Variants in SUSD4 observed in about 807,000 individuals in gnomAD.
SUSD4 encodes sushi domain containing 4, also known as sushi domain-containing protein 4.
A neutral mutation model predicts 50.5 loss-of-function variants in SUSD4; 41 were observed. That is an observed-to-expected ratio of 0.81 (90% CI 0.63 to 1.05). SUSD4 has a LOEUF of 1.05. Ranked by LOEUF, SUSD4 falls within the 50% of genes least tolerant of loss-of-function variation. The pLI is 0.00. For synonymous variants in SUSD4, 257 were observed against 257.3 expected (o/e 1.00, Z 0.01); for missense variants, 580 against 634.7 (o/e 0.91, Z 0.93).
intron 5 of SUSD4, among the ~76,000 whole-genome samples, chr1:223,260,684 T>A (rs1489398615): frequency 6.6e-6 from 1 of 152,216 alleles, no homozygotes; most frequent in Non-Finnish European, 1.5e-5. Context: ...GCTTTGAAAT[T>A]TTGGGTGCTT....
rs557066335 is a variant in SUSD4 at position 223,278,111 on chromosome 1, G to T, written c.362-9436C>A. 3.9e-5 allele frequency among the ~76,000 whole-genome samples: 6 copies of T among 152,324 alleles called. No homozygotes were observed. The South Asian group carries it at 1.2e-3, about 32-fold the overall frequency. ...GTTCCAAGATGGCTGAATAGGAACA[G>T]CTCCGGTCTATGGTTCCCAGCATGA... On this transcript the variant is annotated intron_variant, in intron 3 of 8. Coordinates refer to ENST00000366878, the MANE Select transcript of SUSD4 (RefSeq NM_017982.4).
chr1:223,230,154 G>C (rs898686130), intron 5 of SUSD4, among the ~76,000 whole-genome samples: 1 of 152,172 alleles, frequency 6.6e-6, no homozygotes, highest in African/African-American at 2.4e-5. Context: ...AGTGTCTTTA[G>C]TATCTTGGTA....
chr1:223,250,219 A>T (rs569584516), intron 5 of SUSD4, among the ~76,000 whole-genome samples: 3 of 152,240 alleles, frequency 2.0e-5, no homozygotes, highest in African/African-American at 7.2e-5. Flanking sequence ...GAAATTTATA[A>T]GAATTAGAAA....
chr1:223,268,161 C>T (rs1662654141), intron 4 of SUSD4, among the ~76,000 whole-genome samples: 2 of 151,320 alleles, frequency 1.3e-5, no homozygotes, highest in Admixed American at 1.3e-4. Context: ...AATAGTTCAT[C>T]ATTATGTTAG....
At chr1:223,304,914 C>T (rs1386137568) in intron 2 of SUSD4, among the ~76,000 whole-genome samples, 1 of 142,108 alleles carries the variant, frequency 7.0e-6, no homozygotes, top group Non-Finnish European at 1.5e-5. Context: ...TTGCTTCATA[C>T]AGAGGCAATT....
intron 5 of SUSD4, among the ~76,000 whole-genome samples, chr1:223,248,643 T>G (rs978853481): frequency 1.4e-5 from 2 of 146,946 alleles, no homozygotes; most frequent in Non-Finnish European, 3.1e-5. Context: ...CCAATGATCA[T>G]GAGGCTGGGG....
chr1:223,256,387 G>A (rs138716073), intron 5 of SUSD4, among the ~76,000 whole-genome samples: 97 of 152,318 alleles, frequency 6.4e-4, no homozygotes, highest in African/African-American at 2.2e-3. Context: ...CTTCCTATCT[G>A]AAAATAGAGG....
intron 2 of SUSD4, among the ~76,000 whole-genome samples, chr1:223,350,383 C>T (rs1668291869): frequency 6.6e-6 from 1 of 152,178 alleles, no homozygotes. Flanking sequence ...AGACTTCCTC[C>T]CTTTCCCACC....
chr1:223,253,931 C>T (rs1661509128), intron 5 of SUSD4, among the ~76,000 whole-genome samples: 1 of 152,218 alleles, frequency 6.6e-6, no homozygotes, highest in East Asian at 1.9e-4. Flanking sequence ...CTTCAGTAAC[C>T]TGACATTTAA....
rs779007051 is a variant in SUSD4, at chr1:223,223,327, C to G, written c.1366G>C (p.Ala456Pro). 5 of 1,608,758 alleles carry G rather than the reference C, an allele frequency of 3.1e-6. No individual in the cohort carries two copies. Among genetic ancestry groups the G allele is most frequent in the Non-Finnish European group, 3.4e-6 (4 of 1,177,744 alleles). The change falls in exon 8 of 9, where the codon GCT becomes CCT. Residue 456 changes from alanine (A) to proline (P), a missense_variant. Coordinates refer to ENST00000366878, the MANE Select transcript of SUSD4 (RefSeq NM_017982.4). The stretch of plus-strand genomic sequence containing the variant: ...GCAATTATGTCAGGGTTGTCCGAAG[C>G]AGGGTGGGTGCTCTCTTGGCACCTG... ...PPRCQESTHP[A>P]SDNPDIIAST... is the part of the protein sequence containing the mutation.
chr1:223,298,585 A>G (rs1664987574), intron 2 of SUSD4, among the ~76,000 whole-genome samples: 1 of 152,142 alleles, frequency 6.6e-6, no homozygotes, highest in Non-Finnish European at 1.5e-5. Context: ...AGGCGTGCTG[A>G]AAGCTGAATG....
chr1:223,263,626 T>C (rs1265605012), intron 5 of SUSD4: 1 of 985,226 alleles, frequency 1.0e-6, no homozygotes, highest in African/African-American at 1.7e-5. Flanking sequence ...TCCCCCATCC[T>C]TCTCCAAAGA....
intron 2 of SUSD4, among the ~76,000 whole-genome samples, chr1:223,314,473 G>A (rs1666063380): frequency 6.6e-6 from 1 of 152,088 alleles, no homozygotes; most frequent in Non-Finnish European, 1.5e-5. Flanking sequence ...GACATGAGTG[G>A]GACAGAAAGA....
chr1:223,236,814 A>G (rs1660254261), intron 5 of SUSD4, among the ~76,000 whole-genome samples: 1 of 152,058 alleles, frequency 6.6e-6, no homozygotes, highest in Non-Finnish European at 1.5e-5. Flanking sequence ...TTCTCCTTCA[A>G]TATTGTGTTG....
chr1:223,316,756 A>T lies in SUSD4; in HGVS notation c.149-24105T>A, dbSNP rs149935543. Among the ~76,000 whole-genome samples the T allele has an allele frequency of 5.6e-4, 86 of 152,256 alleles. No individual in the cohort carries two copies. In the East Asian group the frequency reaches 0.015, roughly 26 times the overall value. On this transcript the variant is annotated intron_variant, in intron 2 of 8. Transcript: ENST00000366878. Reference sequence around the variant, plus strand: ...TCAGAGAAGTCAAGTAATTTGCCCAAGGTCCCCAAGTTAGTAGGTCACAGG... The same window carrying T: ...TCAGAGAAGTCAAGTAATTTGCCCATGGTCCCCAAGTTAGTAGGTCACAGG...
chr1:223,280,217 A>G (rs527397621), intron 3 of SUSD4, among the ~76,000 whole-genome samples: 75 of 152,328 alleles, frequency 4.9e-4, no homozygotes, highest in African/African-American at 1.7e-3. Flanking sequence ...TAATGACAGG[A>G]TCAAATTCAC....
intron 2 of SUSD4, among the ~76,000 whole-genome samples, chr1:223,335,549 C>A (rs1312978618): frequency 1.3e-5 from 2 of 152,094 alleles, no homozygotes; most frequent in African/African-American, 4.8e-5. Flanking sequence ...TCAGTCTTAA[C>A]AATAATGGTC....
intron 2 of SUSD4, among the ~76,000 whole-genome samples, chr1:223,345,522 CA>C (rs1254359911): frequency 1.3e-5 from 2 of 152,190 alleles, no homozygotes; most frequent in East Asian, 1.9e-4. Flanking sequence ...CTGCATCCCT[CA>C]GGGGGATCCC....
rs758172664 is a variant in SUSD4, at chr1:223,287,296, C to T, written c.361+5143G>A. ...TCCGCCATGCTGGCCAGGCTGGTCT[C>T]GAACTCCTGGCCTCCAGTGATCCAC... is the stretch of plus-strand genomic sequence containing the variant. On this transcript the variant is annotated intron_variant, in intron 3 of 8. Transcript: ENST00000366878. Among the ~76,000 whole-genome samples the T allele has an allele frequency of 5.9e-5, 9 of 152,300 alleles. 1 individual carries two copies. The East Asian group carries it at 9.7e-4, about 16-fold the overall frequency.
Sources: allele counts gnomAD v4.1 joint callset (sites outside exome capture counted in the v4.1 genomes callset), GRCh38; gene constraint gnomAD v4.1.1; transcripts MANE v1.5; gene names NCBI Gene and HGNC (gene_info 2026-07-23, HGNC 2026-07-21).